The following ANKRD31 variants were observed in gnomAD, a reference collection of about 807,000 sequenced individuals.
ANKRD31 encodes ankyrin repeat domain-containing protein 31.
ANKRD31 carries 147 observed loss-of-function variants against 186.0 expected under a neutral mutation model. The ratio of observed to expected loss-of-function variants is 0.79; its 90% CI spans 0.69 to 0.91. The LOEUF (loss-of-function observed/expected upper bound fraction) is 0.91. ANKRD31 is among the 40% of genes least tolerant of loss of function. The pLI is 0.00. For synonymous variants in ANKRD31, 673 were observed against 736.4 expected, an observed-to-expected ratio of 0.91 and a Z score of 1.39; for missense variants, 1,986 against 2,148.8, an observed-to-expected ratio of 0.92 and a Z score of 1.50.
At chr5:75,120,712 A>T (rs1748694266) in intron 17 of ANKRD31, among the ~76,000 whole-genome samples, 1 of 152,194 alleles carries the variant, frequency 6.6e-6, no homozygotes, top group Non-Finnish European at 1.5e-5. Context: ...AGAAACAAAG[A>T]ATCTATAAAA....
At chr5:75,113,893 G>A (rs988446933) in intron 19 of ANKRD31, among the ~76,000 whole-genome samples, 2 of 152,130 alleles carry the variant, frequency 1.3e-5, no homozygotes, top group African/African-American at 4.8e-5. Flanking sequence ...TTTGTGCTCA[G>A]GCTAAGCTCT....
chr5:75,179,598 G>A (rs1192750142), intron 10 of ANKRD31, among the ~76,000 whole-genome samples: 7 of 152,118 alleles, frequency 4.6e-5, no homozygotes, highest in Admixed American at 6.5e-5. Context: ...ATCAATAAAC[G>A]TAATCCATCA....
At chr5:75,110,439 C>T (rs1747679639) in intron 20 of ANKRD31, among the ~76,000 whole-genome samples, 2 of 151,780 alleles carry the variant, frequency 1.3e-5, no homozygotes, top group Non-Finnish European at 1.5e-5. Flanking sequence ...GGGCCAGGCG[C>T]AGTGGCTCAT....
At chr5:75,150,425 T>G (rs966995962) in intron 12 of ANKRD31, among the ~76,000 whole-genome samples, 1 of 152,010 alleles carries the variant, frequency 6.6e-6, no homozygotes, top group Non-Finnish European at 1.5e-5. Context: ...TCTATTTACA[T>G]ACAAATATTC....
At chr5:75,072,748 G>A (rs1744339129) in intron 25 of ANKRD31, among the ~76,000 whole-genome samples, 1 of 152,112 alleles carries the variant, frequency 6.6e-6, no homozygotes, top group African/African-American at 2.4e-5. Context: ...GCACGTAGAG[G>A]ATCATGATAT....
chr5:75,107,972 A>T (rs572230628), intron 20 of ANKRD31, among the ~76,000 whole-genome samples: 11 of 152,142 alleles, frequency 7.2e-5, no homozygotes, highest in Non-Finnish European at 2.9e-5. Flanking sequence ...TCATTTTTTT[A>T]AAATACAAAA....
chr5:75,235,992 C>A (rs936844160), intron 1 of ANKRD31, among the ~76,000 whole-genome samples: 4 of 152,126 alleles, frequency 2.6e-5, no homozygotes, highest in African/African-American at 9.7e-5. Context: ...AACTTAAGTC[C>A]CAGACACAGC....
At position 75,236,846 on chromosome 5, in the gene ANKRD31, C is replaced by G. The variant is rs186338912; in HGVS notation, c.-160G>C. 9.4e-4 allele frequency: 547 copies of G among 584,400 alleles called. 5 individuals carry two copies. The African/African-American group carries it at 9.5e-3, about 10-fold the overall frequency. The allele number at this position is 584,400 out of a possible 1,614,324, so 36.2% of individuals were successfully genotyped here. On this transcript the variant is annotated 5_prime_UTR_variant, in exon 1 of 26. Transcript: ENST00000506364. The stretch of plus-strand genomic sequence containing the variant: ...TGTCGCAGGGCTGCTGAGGAGGACG[C>G]AGGCGGCCGCGAGCGCGGCGGGGTA...
At chr5:75,130,531 G>T (rs988203641) in intron 17 of ANKRD31, among the ~76,000 whole-genome samples, 2 of 152,206 alleles carry the variant, frequency 1.3e-5, no homozygotes, top group African/African-American at 4.8e-5. Flanking sequence ...TTGACAGAGT[G>T]CTGATTGGTG....
intron 14 of ANKRD31, among the ~76,000 whole-genome samples, chr5:75,144,944 C>A (rs964256143): frequency 6.6e-6 from 1 of 151,696 alleles, no homozygotes; most frequent in Admixed American, 6.6e-5. Context: ...TGAACAGACA[C>A]TTCTCAAAAG....
intron 9 of ANKRD31, among the ~76,000 whole-genome samples, chr5:75,192,061 C>A (rs1435199930): frequency 1.3e-5 from 2 of 152,104 alleles, no homozygotes; most frequent in Non-Finnish European, 2.9e-5. Flanking sequence ...TTTTATACAT[C>A]ATGCCCTTTT....
intron 10 of ANKRD31, among the ~76,000 whole-genome samples, chr5:75,174,975 A>C (rs1753671034): frequency 6.6e-6 from 1 of 152,218 alleles, no homozygotes; most frequent in Non-Finnish European, 1.5e-5. Context: ...ACTTGGAACT[A>C]ACCCAAATGC....
intron 23 of ANKRD31, among the ~76,000 whole-genome samples, chr5:75,085,760 TA>T (rs1561403641): frequency 6.6e-6 from 1 of 152,090 alleles, no homozygotes; most frequent in Non-Finnish European, 1.5e-5. Flanking sequence ...TTTGTGTTTG[TA>T]AAAAAAGTGC....
intron 10 of ANKRD31, among the ~76,000 whole-genome samples, chr5:75,170,021 T>C (rs1753204574): frequency 6.6e-6 from 1 of 152,160 alleles, no homozygotes. Context: ...GTATTATTAC[T>C]GAGTTTTGAC....
In ANKRD31 at chr5:75,188,532, T is replaced by C. The variant is rs369845017; in HGVS notation, c.1525A>G (p.Ile509Val). ...TGATTAACATTTCCACCTTTTTTTA[T>C]ACAATGATGAACAAGATCAGCATCA... Reference protein sequence around the residue: ...HDDADLVHHCIKKGGNVNQPS... With the variant: ...HDDADLVHHCVKKGGNVNQPS... Residue 509 changes from isoleucine (I) to valine (V), a missense_variant, in exon 10 of 26, where the codon ATA (isoleucine) becomes GTA (valine). Coordinates refer to ENST00000506364, the MANE Select transcript of ANKRD31 (RefSeq NM_001372053.1). The C allele has an allele frequency of 2.0e-6, 3 of 1,536,114 alleles. No homozygotes were observed. The highest frequency in any genetic ancestry group is 1.7e-4 in the Middle Eastern group (1 of 5,970).
At chr5:75,180,656 G>A (rs1580500931) in intron 10 of ANKRD31, among the ~76,000 whole-genome samples, 2 of 152,152 alleles carry the variant, frequency 1.3e-5, no homozygotes, top group South Asian at 4.2e-4. Context: ...TTTAATAAAT[G>A]GTGCTGGGAA....
intron 11 of ANKRD31, among the ~76,000 whole-genome samples, chr5:75,166,108 T>C (rs80270341): frequency 0.045 from 6,779 of 152,226 alleles, 358 homozygotes; most frequent in African/African-American, 0.12. Flanking sequence ...ACAAAATCAG[T>C]TCATGTTCTA....
chr5:75,208,014 C>A (rs985978226), intron 4 of ANKRD31, among the ~76,000 whole-genome samples: 1 of 151,726 alleles, frequency 6.6e-6, no homozygotes, highest in Non-Finnish European at 1.5e-5. Context: ...TAAATGACAG[C>A]AATAATCCAG....
intron 10 of ANKRD31, among the ~76,000 whole-genome samples, chr5:75,175,793 G>T (rs1753742100): frequency 6.6e-6 from 1 of 152,094 alleles, no homozygotes; most frequent in African/African-American, 2.4e-5. Context: ...CCAGTCTACA[G>T]CTCCCAGCGT....
Sources: allele counts gnomAD v4.1 joint callset (sites outside exome capture counted in the v4.1 genomes callset), GRCh38; gene constraint gnomAD v4.1.1; transcripts MANE v1.5; gene names NCBI Gene and HGNC (gene_info 2026-07-23, HGNC 2026-07-21).